Variants in LAIR1 observed in about 807,000 individuals in gnomAD.
LAIR1 encodes leukocyte associated immunoglobulin like receptor 1, also known as leukocyte-associated immunoglobulin-like receptor 1.
A neutral mutation model predicts 32.8 loss-of-function variants in LAIR1; 24 were observed. That is an observed-to-expected ratio of 0.73 (90% confidence interval 0.53 to 1.03). The LOEUF (loss-of-function observed/expected upper bound fraction) is 1.03. Among genes scored for constraint, LAIR1 ranks in the 50% least tolerant of loss-of-function variants. The pLI, the probability that LAIR1 is intolerant of heterozygous loss-of-function variation, is 0.00. For synonymous variants in LAIR1, 150 were observed against 140.5 expected, an observed-to-expected ratio of 1.07 and a Z score of -0.48; for missense variants, 355 against 347.5, an observed-to-expected ratio of 1.02 and a Z score of -0.17.
rs1045537598 is a variant in LAIR1 at position 54,353,618 on chromosome 19, G to A, written c.*1650C>T. On this transcript the variant is annotated 3_prime_UTR_variant, in exon 10 of 10. Transcript: ENST00000391742. ...ATAAATGAGGAAAATAATAGAGCAC[G>A]CTGTGGAGGGTTTGTAGGAGAATTT... 3 of 152,162 alleles carry A rather than the reference G, an allele frequency of 2.0e-5. No homozygotes were observed. The highest frequency in any genetic ancestry group is 1.9e-4 in the East Asian group (1 of 5,198). The allele number at this position is 152,162 out of a possible 1,614,324, so 9.4% of individuals were successfully genotyped here.
chr19:54,367,757 A>ATT (rs1255968091), upstream of LAIR1, among the ~76,000 whole-genome samples: 1 of 133,740 alleles, frequency 7.5e-6, no homozygotes, highest in African/African-American at 3.2e-5. Context: ...AAAAATATAT[A>ATT]TTTTTTTTAA....
chr19:54,361,214 G>C lies in LAIR1; in HGVS notation c.71-5C>G. On this transcript the variant is annotated splice_region_variant and splice_polypyrimidine_tract_variant and intron_variant, in intron 2 of 9. Coordinates refer to ENST00000391742, the MANE Select transcript of LAIR1 (RefSeq NM_002287.6). ...TGGAGGGTCTGGGCAGATCTTCTAG[G>C]AGGGAAGCAGAGCAGGATCTCAGCG... The C allele has an allele frequency of 6.2e-7, 1 of 1,613,688 alleles. No homozygotes were observed. Among genetic ancestry groups the C allele is most frequent in the Non-Finnish European group, 8.5e-7 (1 of 1,179,648 alleles).
intron 4 of LAIR1, chr19:54,358,086 G>T (rs1219509785): frequency 6.9e-6 from 1 of 144,500 alleles, no homozygotes; most frequent in Non-Finnish European, 1.5e-5. Context: ...AATTGTATAT[G>T]ATTTATAACT....
chr19:54,351,491 G>T lies in LAIR1; in HGVS notation c.*3777C>A, dbSNP rs1293244752. The T allele has an allele frequency of 6.6e-6, 1 of 152,184 alleles. No homozygotes were observed. The highest frequency in any genetic ancestry group is 1.5e-5 in the Non-Finnish European group (1 of 68,042). The allele number at this position is 152,184 out of a possible 1,614,324, so 9.4% of individuals were successfully genotyped here. ...CGTAAAATCTTTGGTGCAATCAAGT[G>T]CATACTGCTTCCCAGATCCTACAAG... On this transcript the variant is annotated 3_prime_UTR_variant, in exon 10 of 10. Transcript: ENST00000391742.
chr19:54,373,414 A>G (rs1192809308), upstream of LAIR1, among the ~76,000 whole-genome samples: 2 of 151,932 alleles, frequency 1.3e-5, no homozygotes, highest in Admixed American at 6.5e-5. Context: ...ACTGCACTCC[A>G]GCCAGGGTGA....
At chr19:54,375,065 G>A (rs1004000353), upstream of LAIR1, among the ~76,000 whole-genome samples, 1 of 152,188 alleles carries the variant, frequency 6.6e-6, no homozygotes, top group African/African-American at 2.4e-5. Flanking sequence ...TGCTCAGTAC[G>A]TCGCTCAAAA....
chr19:54,372,756 G>A (rs111544277), upstream of LAIR1, among the ~76,000 whole-genome samples: 11,479 of 150,986 alleles, frequency 0.076, 651 homozygotes, highest in Non-Finnish European at 0.092. Context: ...TTAAAGTGCT[G>A]GGATTATAGG....
intron 3 of LAIR1, among the ~76,000 whole-genome samples, chr19:54,360,539 G>C (rs776433896): frequency 2.0e-5 from 3 of 152,184 alleles, no homozygotes; most frequent in African/African-American, 4.8e-5. Context: ...GCAGGTTCTG[G>C]CTCAGTGGAA....
At chr19:54,369,474 AG>A (rs1391574733), upstream of LAIR1, among the ~76,000 whole-genome samples, 17 of 151,528 alleles carry the variant, frequency 1.1e-4, no homozygotes, top group South Asian at 2.1e-4. Context: ...TTTTTCCATA[AG>A]AAGGGTGATA....
chr19:54,356,117 G>A lies in LAIR1; in HGVS notation c.665-111C>T, dbSNP rs181836902. 3.3e-3 allele frequency: 4,304 copies of A among 1,323,092 alleles called. 16 individuals are homozygous for A. The highest frequency in any genetic ancestry group is 7.5e-3 in the South Asian group (633 of 84,538). 82.0% of individuals were successfully genotyped at this position (1,323,092 alleles called of 1,614,324 possible). A position where few individuals can be genotyped will look rare whatever the true frequency, so the allele number is the denominator to read the frequency against. On this transcript the variant is annotated intron_variant, in intron 8 of 9. Transcript: ENST00000391742. The stretch of plus-strand genomic sequence containing the variant: ...ACATCCTGCACCCAATGTATAATAC[G>A]ACCTTCTAGAATGTTCCCAAAGATT...
chr19:54,368,841 C>G (rs2082334444), upstream of LAIR1: 1 of 151,964 alleles, frequency 6.6e-6, no homozygotes, highest in Non-Finnish European at 1.5e-5. Context: ...GTGCGCACCA[C>G]CATGCCCAGC....
upstream of LAIR1, among the ~76,000 whole-genome samples, chr19:54,372,491 CT>C (rs35628063): frequency 1.3e-3 from 168 of 131,486 alleles, no homozygotes; most frequent in Admixed American, 1.9e-3. Context: ...TTCTTTCTTT[CT>C]TTTTTTTTTT....
In LAIR1 at chr19:54,361,118, C is replaced by G. The variant is rs768857226; in HGVS notation, c.162G>C (p.Gly54=). The change falls in exon 3 of 10, where the codon GGG becomes GGC. Residue 54 remains glycine (G), a synonymous_variant. Coordinates refer to ENST00000391742, the MANE Select transcript of LAIR1 (RefSeq NM_002287.6). ...CCCTCTCCAGGCGGAATGTTTGAACCCCAACCGGGCCCCGGCACACGAAAG... is the reference window on the plus strand; with the variant it reads ...CCCTCTCCAGGCGGAATGTTTGAACGCCAACCGGGCCCCGGCACACGAAAG... ...HVTFVCRGPV[G]VQTFRLERDS... The G allele has an allele frequency of 1.4e-5, 22 of 1,614,170 alleles. No homozygotes were observed. The highest frequency in any genetic ancestry group is 1.9e-5 in the Non-Finnish European group (22 of 1,180,010).
upstream of LAIR1, among the ~76,000 whole-genome samples, chr19:54,366,633 C>T (rs923076613): frequency 1.3e-5 from 2 of 152,128 alleles, no homozygotes; most frequent in Non-Finnish European, 2.9e-5. Flanking sequence ...GGACTACAGG[C>T]ACCCACCACC....
upstream of LAIR1, among the ~76,000 whole-genome samples, chr19:54,371,978 C>G (rs1348061311): frequency 6.6e-6 from 1 of 151,642 alleles, no homozygotes; most frequent in Non-Finnish European, 1.5e-5. Context: ...GACTTGAGAG[C>G]TTGTGTCTTC....
chr19:54,372,856 C>A (rs1444494059), upstream of LAIR1, among the ~76,000 whole-genome samples: 2 of 151,474 alleles, frequency 1.3e-5, no homozygotes, highest in African/African-American at 4.9e-5. Context: ...ACTGGCCTGG[C>A]ACAGTGGCTC....
At chr19:54,371,624 T>G (rs2082407842), upstream of LAIR1, among the ~76,000 whole-genome samples, 2 of 151,598 alleles carry the variant, frequency 1.3e-5, no homozygotes, top group Admixed American at 1.3e-4. Flanking sequence ...GTGCAAAGTA[T>G]AGTTTTCAAA....
At position 54,364,607 on chromosome 19, in the gene LAIR1, C is replaced by T. The variant is rs530430944; in HGVS notation, c.34+164G>A. Reference sequence around the variant, plus strand: ...CGGGCCCCTGTTTTTAGGACAAGATCTTCTCTGATCAGACTTAGGCCCCAG... The same window carrying T: ...CGGGCCCCTGTTTTTAGGACAAGATTTTCTCTGATCAGACTTAGGCCCCAG... On this transcript the variant is annotated intron_variant, in intron 1 of 9. Coordinates refer to ENST00000391742, the MANE Select transcript of LAIR1 (RefSeq NM_002287.6). The surrounding 1 kb of genome is among the most constrained non-coding windows in gnomAD (Gnocchi z 4.8). 6.3e-5 allele frequency: 53 copies of T among 842,196 alleles called. No homozygotes were observed. The highest frequency in any genetic ancestry group is 9.5e-5 in the South Asian group (7 of 73,578). The allele number at this position is 842,196 out of a possible 1,614,324, so 52.2% of individuals were successfully genotyped here.
chr19:54,355,191 G>T lies in LAIR1; in HGVS notation c.*77C>A. 7.4e-7 allele frequency: 1 copy of T among 1,353,718 alleles called. No homozygotes were observed. Among genetic ancestry groups the T allele is most frequent in the Non-Finnish European group, 1.0e-6 (1 of 994,446 alleles). 83.9% of individuals were successfully genotyped at this position (1,353,718 alleles called of 1,614,324 possible). A position where few individuals can be genotyped will look rare whatever the true frequency, so the allele number is the denominator to read the frequency against. On this transcript the variant is annotated 3_prime_UTR_variant, in exon 10 of 10. Coordinates refer to ENST00000391742, the MANE Select transcript of LAIR1 (RefSeq NM_002287.6). The surrounding 1 kb of genome is among the most constrained non-coding windows in gnomAD (Gnocchi z 4.7). ...TAGATGAAGAGGAATCCAACAGGAA[G>T]CCTTCCAAATGGCTGCTTCAGGCTT...
Sources: allele counts gnomAD v4.1 joint callset (sites outside exome capture counted in the v4.1 genomes callset), GRCh38; gene constraint gnomAD v4.1.1; non-coding constraint Gnocchi (gnomAD v3.1); transcripts MANE v1.5; gene names NCBI Gene and HGNC (gene_info 2026-07-23, HGNC 2026-07-21).